WDR33: variants seen among roughly 807,000 people sequenced by gnomAD.
The protein encoded by WDR33 is pre-mRNA 3' end processing protein WDR33.
A neutral mutation model predicts 164.9 loss-of-function variants in WDR33; 47 were observed. That is an observed-to-expected ratio of 0.29 (90% CI 0.23 to 0.36). WDR33 has a LOEUF of 0.36. Among genes scored for constraint, WDR33 ranks in the 10% least tolerant of loss-of-function variants. The probability of loss-of-function intolerance (pLI) is 1.00; values close to 1 mark genes in which losing one functional copy is unlikely to be tolerated. For synonymous variants in WDR33, 505 were observed against 589.0 expected, an observed-to-expected ratio of 0.86 and a Z score of 2.06; for missense variants, 1,137 against 1,754.1, an observed-to-expected ratio of 0.65 and a Z score of 6.28.
chr2:127,773,127 C>A (rs1414608638), intron 1 of WDR33, among the ~76,000 whole-genome samples: 1 of 152,050 alleles, frequency 6.6e-6, no homozygotes, highest in Non-Finnish European at 1.5e-5. Flanking sequence ...CAGAACAAGA[C>A]CCTGTCTCCA....
chr2:127,751,912 G>A (rs911727814), intron 7 of WDR33, among the ~76,000 whole-genome samples: 1 of 152,078 alleles, frequency 6.6e-6, no homozygotes, highest in Non-Finnish European at 1.5e-5. Context: ...CAAACTACAC[G>A]GAAGACTCTG....
Position 127,721,159 on chromosome 2 carries a change from G to T in WDR33, c.1671+677C>A, listed in dbSNP as rs1348989283. ...GTCTCACTTTGTGGCACAGGCTGGA[G>T]TGCAGTGGTACGATCTCGGCTCACT... On this transcript the variant is annotated intron_variant, in intron 15 of 21. Transcript: ENST00000322313. The surrounding 1 kb of genome is among the most constrained non-coding windows in gnomAD (Gnocchi z 4.9). Among the ~76,000 whole-genome samples the T allele has an allele frequency of 6.6e-6, 1 of 152,104 alleles. No homozygotes were observed. The highest frequency in any genetic ancestry group is 1.5e-5 in the Non-Finnish European group (1 of 68,008).
chr2:127,757,211 T>G (rs1250028748), intron 7 of WDR33, among the ~76,000 whole-genome samples: 4 of 152,274 alleles, frequency 2.6e-5, no homozygotes, highest in South Asian at 4.1e-4. Context: ...CAGATTTATA[T>G]TCAATAAGTT....
In WDR33 at chr2:127,738,409, T is replaced by G. The variant is rs1032183872; in HGVS notation, c.725-11632A>C. On this transcript the variant is annotated intron_variant, in intron 7 of 21. Transcript: ENST00000322313. This position sits in a 1 kb window ranked among gnomAD's most constrained non-coding sequence, Gnocchi z 4.4. ...CCATGCCTAAGAATTCCACATAATTTACACAGTTACTCCACCTGAAAAGAG... is the reference window on the plus strand; with the variant it reads ...CCATGCCTAAGAATTCCACATAATTGACACAGTTACTCCACCTGAAAAGAG... Among the ~76,000 whole-genome samples, 23 of 152,148 alleles carry G rather than the reference T, an allele frequency of 1.5e-4. No individual in the cohort carries two copies. The highest frequency in any genetic ancestry group is 3.4e-4 in the Non-Finnish European group (23 of 68,032).
At chr2:127,768,330 AT>A in intron 3 of WDR33, 37 bp from the exon 4 acceptor site, 1 of 1,319,278 alleles carries the variant, frequency 7.6e-7, no homozygotes, top group Admixed American at 2.5e-5. Flanking sequence ...AGAGCTCCTG[AT>A]TACATACAAG....
At position 127,723,233 on chromosome 2, in the gene WDR33, C is replaced by G; in HGVS notation, c.1291+20G>C. On this transcript the variant is annotated intron_variant, in intron 12 of 21. Coordinates refer to ENST00000322313, the MANE Select transcript of WDR33 (RefSeq NM_018383.5). This position sits in a 1 kb window ranked among gnomAD's most constrained non-coding sequence, Gnocchi z 5.9. ...TAGAATACCAGATTTCAAAGAAGGA[C>G]AGATGTGCAAGAGTCTCACCATATT... is the stretch of plus-strand genomic sequence containing the variant. 1 of 1,600,576 alleles carries G rather than the reference C, an allele frequency of 6.2e-7. No homozygotes were observed. The highest frequency in any genetic ancestry group is 8.5e-7 in the Non-Finnish European group (1 of 1,170,502).
chr2:127,796,074 ATT>A (rs11325131), intron 1 of WDR33, among the ~76,000 whole-genome samples: 3,467 of 139,344 alleles, frequency 0.025, 153 homozygotes, highest in African/African-American at 0.086. Context: ...ATTACTGTTA[ATT>A]TTTTTTTTTT....
intron 1 of WDR33, among the ~76,000 whole-genome samples, chr2:127,806,217 T>C (rs1286438536): frequency 6.7e-6 from 1 of 148,704 alleles, no homozygotes; most frequent in African/African-American, 2.4e-5. Flanking sequence ...TTTCTTTTTT[T>C]TTTTTTTTTT....
rs1316583034 is a variant in WDR33 at position 127,716,388 on chromosome 2, G to C, written c.2869+767C>G. Among the ~76,000 whole-genome samples, 1 of 152,154 alleles carries C rather than the reference G, an allele frequency of 6.6e-6. No homozygotes were observed. The highest frequency in any genetic ancestry group is 1.5e-5 in the Non-Finnish European group (1 of 68,024). On this transcript the variant is annotated intron_variant, in intron 17 of 21. Coordinates refer to ENST00000322313, the MANE Select transcript of WDR33 (RefSeq NM_018383.5). The surrounding 1 kb of genome is among the most constrained non-coding windows in gnomAD (Gnocchi z 4.5). ...ATCTCTGCGGTCCTCCTGATTCTCCGAGTTGTGGTTTCTCCCCGTTATGAA... is the reference window on the plus strand; with the variant it reads ...ATCTCTGCGGTCCTCCTGATTCTCCCAGTTGTGGTTTCTCCCCGTTATGAA...
At chr2:127,779,971 T>C (rs899974806) in intron 1 of WDR33, among the ~76,000 whole-genome samples, 1 of 149,574 alleles carries the variant, frequency 6.7e-6, no homozygotes, top group Admixed American at 6.6e-5. Flanking sequence ...AAAAGGTTTT[T>C]TTGATTTTTT....
Position 127,719,717 on chromosome 2 carries a change from G to A in WDR33, c.2308C>T (p.Pro770Ser). Residue 770 changes from proline (P) to serine (S), a missense_variant, in exon 16 of 22, where the codon CCT becomes TCT. Pro to Ser is a moderately conservative substitution (Grantham distance 74). Coordinates refer to ENST00000322313, the MANE Select transcript of WDR33 (RefSeq NM_018383.5). This position sits in a 1 kb window ranked among gnomAD's most constrained non-coding sequence, Gnocchi z 6.5. ...GGPGSQGIQG[P>S]VSQGPLMGLN... Reference sequence around the variant, plus strand: ...CCCATCAGAGGTCCCTGAGACACAGGACCTTGGATCCCTTGAGACCCTGGT... The same window carrying A: ...CCCATCAGAGGTCCCTGAGACACAGAACCTTGGATCCCTTGAGACCCTGGT... 1 of 1,613,782 alleles carries A rather than the reference G, an allele frequency of 6.2e-7. No individual in the cohort carries two copies. Among genetic ancestry groups the A allele is most frequent in the East Asian group, 2.2e-5 (1 of 44,854 alleles).
In WDR33 at chr2:127,701,743, C is replaced by T. The variant is rs1199645361; in HGVS notation, c.*4580G>A. On this transcript the variant is annotated 3_prime_UTR_variant, in exon 22 of 22. Coordinates refer to ENST00000322313, the MANE Select transcript of WDR33 (RefSeq NM_018383.5). ...GGCCTGACGTGCCTCCCGAGCGTGA[C>T]GCGCGGGCAGCGGCTGGCGGCGGGC... 11 of 1,412,378 alleles carry T rather than the reference C, an allele frequency of 7.8e-6. No individual in the cohort carries two copies. Among genetic ancestry groups the T allele is most frequent in the Non-Finnish European group, 1.0e-5 (11 of 1,082,954 alleles). The allele number at this position is 1,412,378 out of a possible 1,614,324, so 87.5% of individuals were successfully genotyped here. A position where few individuals can be genotyped will look rare whatever the true frequency, so the allele number is the denominator to read the frequency against.
At position 127,763,264 on chromosome 2, in the gene WDR33, G is replaced by C; in HGVS notation, c.627-105C>G. 6.4e-7 allele frequency: 1 copy of C among 1,555,790 alleles called. No homozygotes were observed. The highest frequency in any genetic ancestry group is 8.7e-7 in the Non-Finnish European group (1 of 1,149,734). ...AAAACACTGTGCTGCATTATAAACAGGAGAGGGAAGAATCCAGTGAAGAAG... is the reference window on the plus strand; with the variant it reads ...AAAACACTGTGCTGCATTATAAACACGAGAGGGAAGAATCCAGTGAAGAAG... On this transcript the variant is annotated intron_variant, in intron 6 of 21. Coordinates refer to ENST00000322313, the MANE Select transcript of WDR33 (RefSeq NM_018383.5). This position sits in a 1 kb window ranked among gnomAD's most constrained non-coding sequence, Gnocchi z 4.5.
At chr2:127,745,836 CAGAA>C (rs956553942) in intron 7 of WDR33, among the ~76,000 whole-genome samples, 2 of 151,970 alleles carry the variant, frequency 1.3e-5, no homozygotes, top group African/African-American at 4.8e-5. Context: ...CGTCGTTCTC[CAGAA>C]AGATTCAAAT....
At chr2:127,785,259 C>T (rs1171215412) in intron 1 of WDR33, among the ~76,000 whole-genome samples, 1 of 152,176 alleles carries the variant, frequency 6.6e-6, no homozygotes, top group African/African-American at 2.4e-5. Flanking sequence ...CTCCCCACCC[C>T]TAACATCCCA....
rs1175458069 is a variant in WDR33, at chr2:127,714,007, G to A, written c.2884C>T (p.Pro962Ser). 4.6e-6 allele frequency: 7 copies of A among 1,519,700 alleles called. 1 individual carries two copies. The Admixed American group carries it at 8.9e-5, about 19-fold the overall frequency. 94.1% of individuals were successfully genotyped at this position (1,519,700 alleles called of 1,614,324 possible). The change falls in exon 18 of 22, where the codon CCT becomes TCT. Residue 962 changes from proline to serine, a missense_variant. By Grantham distance (74) the Pro-to-Ser change is moderately conservative. This residue lies in a region of WDR33 where 867 missense variants were observed against 1,073.0 expected (regional missense o/e 0.81). Coordinates refer to ENST00000322313, the MANE Select transcript of WDR33 (RefSeq NM_018383.5). This position sits in a 1 kb window ranked among gnomAD's most constrained non-coding sequence, Gnocchi z 4.3. ...ATCGGGCCCATGTGATGGTTTGGAG[G>A]GCCGCGGGAGTCACCTAAAGGAAAC... Reference protein sequence around the residue: ...PGPNKGDSRGPPNHHMGPMSE... With the variant: ...PGPNKGDSRGSPNHHMGPMSE...
At chr2:127,744,047 T>C (rs1308940349) in intron 7 of WDR33, among the ~76,000 whole-genome samples, 5 of 152,212 alleles carry the variant, frequency 3.3e-5, no homozygotes, top group South Asian at 4.1e-4. Context: ...GTGCTTATTA[T>C]TAGTGATTTT....
Position 127,806,216 on chromosome 2 carries a change from T to C in WDR33, c.-24+4796A>G, listed in dbSNP as rs552235385. 6.1e-4 allele frequency among the ~76,000 whole-genome samples: 91 copies of C among 148,642 alleles called. 2 individuals are homozygous for C. The highest frequency in any genetic ancestry group is 3.1e-3 in the East Asian group (16 of 5,162). On this transcript the variant is annotated intron_variant, in intron 1 of 21. Coordinates refer to ENST00000322313, the MANE Select transcript of WDR33 (RefSeq NM_018383.5). ...TTTAGTTGTTTTTCTTTTTCTTTTT[T>C]TTTTTTTTTTTGAGACAGTCTCGCT...
intron 18 of WDR33, among the ~76,000 whole-genome samples, chr2:127,711,116 G>A (rs1686150014): frequency 6.6e-6 from 1 of 152,104 alleles, no homozygotes; most frequent in South Asian, 2.1e-4. Flanking sequence ...ACTGACAGAT[G>A]AAACACAATA....
Sources: gnomAD v4.1 joint callset for allele counts (sites outside exome capture counted in the v4.1 genomes callset) on GRCh38, gnomAD v4.1.1 for gene constraint, gnomAD v4.1.1 regional missense constraint, Gnocchi (gnomAD v3.1) non-coding constraint, MANE v1.5 for transcripts, NCBI Gene and HGNC (gene_info 2026-07-23, HGNC 2026-07-21) for gene names.